SLC26A7: variants seen among roughly 807,000 people sequenced by gnomAD.
SLC26A7 encodes solute carrier family 26 member 7.
In SLC26A7, 59 loss-of-function variants were observed where a neutral mutation model predicts 82.5. The ratio of observed to expected loss-of-function variants is 0.72; its 90% CI spans 0.58 to 0.89. The LOEUF (loss-of-function observed/expected upper bound fraction) is 0.89. SLC26A7 is among the 40% of genes least tolerant of loss of function. SLC26A7 has a pLI of 0.00. For synonymous variants in SLC26A7, 271 were observed against 274.3 expected (o/e 0.99, Z 0.12); for missense variants, 820 against 793.0 (o/e 1.03, Z -0.41).
intron 2 of SLC26A7, among the ~76,000 whole-genome samples, chr8:91,229,118 G>T (rs1810278877): frequency 1.3e-5 from 2 of 152,096 alleles, no homozygotes. Flanking sequence ...CTCGAATCCT[G>T]CCAGTCTCTC....
In SLC26A7 at chr8:91,340,808, A is replaced by C. The variant is rs189727860; in HGVS notation, c.1026+257A>C. ...CTTTTTGATTTGTTTTTAGGAGAGA[A>C]TCCAAACAGATTTATTATTGCATGC... On this transcript the variant is annotated intron_variant, in intron 8 of 18. Transcript: ENST00000276609. 8.0e-5 allele frequency: 37 copies of C among 463,076 alleles called. No homozygotes were observed. The Admixed American group carries it at 1.2e-3, about 15-fold the overall frequency. 28.7% of individuals were successfully genotyped at this position (463,076 alleles called of 1,614,324 possible).
At chr8:91,267,039 C>T (rs1184363103) in intron 2 of SLC26A7, among the ~76,000 whole-genome samples, 3 of 151,794 alleles carry the variant, frequency 2.0e-5, no homozygotes, top group Non-Finnish European at 2.9e-5. Context: ...TGTATTATGT[C>T]TACTGGTTGG....
chr8:91,237,061 C>T (rs1020688422), intron 2 of SLC26A7, among the ~76,000 whole-genome samples: 5 of 152,188 alleles, frequency 3.3e-5, no homozygotes, highest in African/African-American at 1.2e-4. Context: ...TACTACTACC[C>T]GCTATCATTG....
intron 4 of SLC26A7, among the ~76,000 whole-genome samples, chr8:91,304,462 T>C (rs879698171): frequency 1.3e-5 from 2 of 152,170 alleles, no homozygotes; most frequent in African/African-American, 2.4e-5. Flanking sequence ...TTTGCCATGA[T>C]TGTCAGTTTC....
At chr8:91,245,680 A>G (rs1810535871), upstream of SLC26A7, among the ~76,000 whole-genome samples, 3 of 152,224 alleles carry the variant, frequency 2.0e-5, no homozygotes, top group South Asian at 6.2e-4. Flanking sequence ...CACAGAGACC[A>G]CATTCAAAGA....
At chr8:91,387,041 TTA>T (rs906865360) in intron 15 of SLC26A7, among the ~76,000 whole-genome samples, 1 of 152,104 alleles carries the variant, frequency 6.6e-6, no homozygotes, top group African/African-American at 2.4e-5. Context: ...TATAAATTTT[TTA>T]TGTTTTCTCA....
At chr8:91,285,197 C>T (rs539283152) in intron 2 of SLC26A7, among the ~76,000 whole-genome samples, 15 of 152,396 alleles carry the variant, frequency 9.8e-5, no homozygotes, top group African/African-American at 2.6e-4. Flanking sequence ...GATGTTCACA[C>T]GCCTTCATTT....
At chr8:91,352,091 G>A (rs189257359) in intron 10 of SLC26A7, among the ~76,000 whole-genome samples, 152 of 151,854 alleles carry the variant, frequency 1.0e-3, no homozygotes, top group African/African-American at 3.0e-3. Context: ...TTTTTTTTAC[G>A]TTTTTGGCTC....
intron 15 of SLC26A7, among the ~76,000 whole-genome samples, chr8:91,373,400 A>G (rs563986296): frequency 7.6e-4 from 116 of 151,892 alleles, no homozygotes; most frequent in African/African-American, 2.5e-3. Flanking sequence ...ATGTTCCTTT[A>G]ATACCTAATT....
In SLC26A7 at chr8:91,359,361, G is replaced by C. The variant is rs1371853334; in HGVS notation, c.1315-2992G>C. On this transcript the variant is annotated intron_variant, in intron 11 of 18. Transcript: ENST00000276609. The stretch of plus-strand genomic sequence containing the variant: ...TTATAGTGTATTGAAGGATATTAGT[G>C]TTACAACTGAAGGAGAACATTGGAG... Among the ~76,000 whole-genome samples, 5 of 152,306 alleles carry C rather than the reference G, an allele frequency of 3.3e-5. No individual in the cohort carries two copies. In the East Asian group the frequency reaches 9.6e-4, roughly 29 times the overall value.
chr8:91,363,690 A>G (rs1586456271), intron 13 of SLC26A7, 152 bp downstream of exon 13: 2 of 435,300 alleles, frequency 4.6e-6, no homozygotes, highest in Non-Finnish European at 8.3e-6. Flanking sequence ...TGTGATCACA[A>G]TATATGTGGC....
intron 4 of SLC26A7, among the ~76,000 whole-genome samples, chr8:91,296,210 C>T (rs1812012493): frequency 6.6e-6 from 1 of 152,168 alleles, no homozygotes; most frequent in African/African-American, 2.4e-5. Flanking sequence ...TCTGTACCAC[C>T]AGCATCATGT....
chr8:91,219,641 T>C (rs2130661355), intron 2 of SLC26A7, among the ~76,000 whole-genome samples: 1 of 152,326 alleles, frequency 6.6e-6, no homozygotes, highest in Non-Finnish European at 1.5e-5. Flanking sequence ...TATGAAAATA[T>C]GTGGTGTGCT....
intron 4 of SLC26A7, among the ~76,000 whole-genome samples, chr8:91,311,030 G>C (rs1812467394): frequency 6.6e-6 from 1 of 152,114 alleles, no homozygotes; most frequent in Non-Finnish European, 1.5e-5. Flanking sequence ...TTTCTTCCGA[G>C]GAGGCAAGAG....
At chr8:91,384,764 GAGGA>G (rs34207560) in intron 15 of SLC26A7, among the ~76,000 whole-genome samples, 28,229 of 149,902 alleles carry the variant, frequency 0.19, 3,873 homozygotes, top group African/African-American at 0.4. Context: ...TGACTGCTGG[GAGGA>G]AGGAAGGAAG....
intron 2 of SLC26A7, among the ~76,000 whole-genome samples, chr8:91,288,678 T>G (rs1258474570): frequency 6.6e-6 from 1 of 152,224 alleles, no homozygotes; most frequent in East Asian, 1.9e-4. Context: ...ATGTTGAGTA[T>G]GCGTCCTTTT....
chr8:91,363,846 A>G (rs1181444075), intron 13 of SLC26A7, among the ~76,000 whole-genome samples: 1 of 152,132 alleles, frequency 6.6e-6, no homozygotes, highest in African/African-American at 2.4e-5. Context: ...AGTTGCATAA[A>G]GTAATCAAAC....
At chr8:91,309,414 A>T (rs1324739536) in intron 4 of SLC26A7, among the ~76,000 whole-genome samples, 1 of 151,556 alleles carries the variant, frequency 6.6e-6, no homozygotes, top group Non-Finnish European at 1.5e-5. Context: ...GTTTGTCTGA[A>T]ACCTCCCCCT....
intron 3 of SLC26A7, among the ~76,000 whole-genome samples, chr8:91,291,593 T>C (rs1388296809): frequency 2.0e-5 from 3 of 152,198 alleles, no homozygotes. Flanking sequence ...TATACCATAA[T>C]TGCTTTAAGA....
Sources: allele counts gnomAD v4.1 joint callset (sites outside exome capture counted in the v4.1 genomes callset), GRCh38; gene constraint gnomAD v4.1.1; transcripts MANE v1.5; gene names NCBI Gene and HGNC (gene_info 2026-07-23, HGNC 2026-07-21).